Variants in RIPOR2 observed in about 807,000 individuals in gnomAD.
The protein encoded by RIPOR2 is rho family-interacting cell polarization regulator 2.
In RIPOR2, 39 loss-of-function variants were observed where a neutral mutation model predicts 114.5. The ratio of observed to expected loss-of-function variants is 0.34; its 90% CI spans 0.26 to 0.44. The LOEUF is 0.44. Among genes scored for constraint, RIPOR2 ranks in the 20% least tolerant of loss-of-function variants. The probability of loss-of-function intolerance (pLI) is 1.00; values close to 1 mark genes in which losing one functional copy is unlikely to be tolerated. For missense variants in RIPOR2, 1,007 were observed against 1,255.1 expected (o/e 0.80, Z 2.99); for synonymous variants, 445 against 484.4 (o/e 0.92, Z 1.07).
At chr6:24,906,847 C>T (rs7743843) in intron 1 of RIPOR2, among the ~76,000 whole-genome samples, 3,727 of 152,120 alleles carry the variant, frequency 0.025, 152 homozygotes, top group African/African-American at 0.081. Flanking sequence ...CCATGTTGCC[C>T]AGGCTGGTCT....
intron 1 of RIPOR2, among the ~76,000 whole-genome samples, chr6:24,934,823 C>T (rs560248632): frequency 3.3e-5 from 5 of 152,240 alleles, no homozygotes; most frequent in Non-Finnish European, 4.4e-5. Flanking sequence ...CCTTTAAAAT[C>T]GCAACCTTTA....
At chr6:24,988,124 T>C (rs961917505) in intron 1 of RIPOR2, among the ~76,000 whole-genome samples, 4 of 152,340 alleles carry the variant, frequency 2.6e-5, no homozygotes, top group Admixed American at 1.3e-4. Flanking sequence ...AAATAAGAAC[T>C]AATTAACCCA....
intron 7 of RIPOR2, among the ~76,000 whole-genome samples, chr6:24,864,000 A>G (rs1346213676): frequency 2.0e-5 from 3 of 152,316 alleles, no homozygotes; most frequent in African/African-American, 7.2e-5. Context: ...TATTTTATGC[A>G]TTTAAAAAAC....
At chr6:24,839,615 A>G (rs772554302) in intron 13 of RIPOR2, 4 of 1,541,216 alleles carry the variant, frequency 2.6e-6, no homozygotes, top group South Asian at 1.2e-5. Context: ...TGAAATTTTT[A>G]TAACAAAAAG....
chr6:24,999,240 T>G (rs556600869), intron 1 of RIPOR2, among the ~76,000 whole-genome samples: 5 of 152,282 alleles, frequency 3.3e-5, no homozygotes, highest in African/African-American at 1.2e-4. Context: ...TGGAGCTGGA[T>G]CCTACTTAGG....
chr6:24,859,135 AT>A lies in RIPOR2; in HGVS notation c.715+1837del, dbSNP rs534463411. Among the ~76,000 whole-genome samples, 292 of 152,330 alleles carry A rather than the reference AT, an allele frequency of 1.9e-3. 1 individual carries two copies. Among genetic ancestry groups the A allele is most frequent in the African/African-American group, 6.6e-3 (276 of 41,578 alleles). ...TTAAGTGTGACTCCTGGGACAAGTC[AT>A]TTAGCCTCTCTAGGCCCCTATTTCC... On this transcript the variant is annotated intron_variant, in intron 8 of 21. Coordinates refer to ENST00000643898, the MANE Select transcript of RIPOR2 (RefSeq NM_001286445.3).
intron 1 of RIPOR2, among the ~76,000 whole-genome samples, chr6:24,908,257 G>A (rs551064246): frequency 1.3e-4 from 20 of 152,160 alleles, no homozygotes; most frequent in Non-Finnish European, 2.5e-4. Flanking sequence ...TTCCTCCCAA[G>A]AAAAGCAAGG....
At chr6:24,896,599 G>T (rs940192790) in intron 1 of RIPOR2, among the ~76,000 whole-genome samples, 1 of 152,196 alleles carries the variant, frequency 6.6e-6, no homozygotes, top group African/African-American at 2.4e-5. Context: ...GTCAAAAATA[G>T]TTGGCTCTTC....
At chr6:24,956,392 A>T (rs9295637) in intron 1 of RIPOR2, among the ~76,000 whole-genome samples, 25,520 of 152,162 alleles carry the variant, frequency 0.17, 2,920 homozygotes, top group East Asian at 0.54. Flanking sequence ...CTTATTGTGA[A>T]ACCATTAGAC....
intron 21 of RIPOR2, among the ~76,000 whole-genome samples, chr6:24,807,785 G>C (rs951296096): frequency 2.6e-5 from 4 of 152,136 alleles, no homozygotes; most frequent in African/African-American, 9.7e-5. Flanking sequence ...ATACTAGTTG[G>C]TAAATAGTTG....
At chr6:24,820,078 G>C (rs1249721374) in intron 19 of RIPOR2, among the ~76,000 whole-genome samples, 1 of 151,822 alleles carries the variant, frequency 6.6e-6, no homozygotes, top group East Asian at 1.9e-4. Context: ...TATTGCCCAG[G>C]CTGGAGTGCA....
intron 1 of RIPOR2, among the ~76,000 whole-genome samples, chr6:24,878,470 C>G (rs1202821340): frequency 6.6e-6 from 1 of 152,122 alleles, no homozygotes; most frequent in Non-Finnish European, 1.5e-5. Flanking sequence ...TTCATTATAT[C>G]TATTGTATCA....
intron 1 of RIPOR2, among the ~76,000 whole-genome samples, chr6:24,982,835 T>G (rs185290424): frequency 2.5e-4 from 38 of 152,324 alleles, no homozygotes; most frequent in Admixed American, 7.2e-4. Flanking sequence ...GTATGGGATT[T>G]CAGTTACACT....
chr6:25,036,921 C>T (rs1332552714), intron 1 of RIPOR2, among the ~76,000 whole-genome samples: 1 of 152,050 alleles, frequency 6.6e-6, no homozygotes, highest in Admixed American at 6.6e-5. Flanking sequence ...GGGTAGGGTG[C>T]CTGGCTGAGG....
At position 24,981,199 on chromosome 6, in the gene RIPOR2, C is replaced by T. The variant is rs146459125; in HGVS notation, c.76+60652G>A. 6.8e-3 allele frequency among the ~76,000 whole-genome samples: 1,043 copies of T among 152,268 alleles called. 12 individuals carry two copies. Among genetic ancestry groups the T allele is most frequent in the African/African-American group, 0.023 (941 of 41,526 alleles). On this transcript the variant is annotated intron_variant, in intron 1 of 13. Transcript: ENST00000510784. ...ATGTCCTGTGAGCCTAGAGTTGCCTCGTGGGTAAGTAGAAAGCACTTATCA... is the reference window on the plus strand; with the variant it reads ...ATGTCCTGTGAGCCTAGAGTTGCCTTGTGGGTAAGTAGAAAGCACTTATCA...
At chr6:24,933,826 A>C (rs764559087) in intron 1 of RIPOR2, among the ~76,000 whole-genome samples, 1 of 151,920 alleles carries the variant, frequency 6.6e-6, no homozygotes, top group Non-Finnish European at 1.5e-5. Flanking sequence ...CTCACTTCCC[A>C]CCTCAGAGCT....
chr6:24,902,291 T>C (rs1037016667), intron 1 of RIPOR2, among the ~76,000 whole-genome samples: 1 of 151,894 alleles, frequency 6.6e-6, no homozygotes, highest in African/African-American at 2.4e-5. Flanking sequence ...CTTGGCTCAC[T>C]GCAACCTCCG....
At chr6:24,890,826 T>A (rs1325300040) in intron 1 of RIPOR2, among the ~76,000 whole-genome samples, 1 of 132,462 alleles carries the variant, frequency 7.5e-6, no homozygotes, top group Non-Finnish European at 1.6e-5. Flanking sequence ...AGCGAATTTT[T>A]AAAATTGTTT....
chr6:24,832,125 A>C (rs975691391), intron 16 of RIPOR2, 131 bp downstream of exon 16: 4 of 885,916 alleles, frequency 4.5e-6, no homozygotes, highest in African/African-American at 1.7e-5. Flanking sequence ...TTGTTTGGAG[A>C]CCTTTCTCAA....
Sources: allele counts gnomAD v4.1 joint callset (sites outside exome capture counted in the v4.1 genomes callset), GRCh38; gene constraint gnomAD v4.1.1; transcripts MANE v1.5; gene names NCBI Gene and HGNC (gene_info 2026-07-23, HGNC 2026-07-21).